SGCD: variants seen among roughly 807,000 people sequenced by gnomAD.
SGCD encodes sarcoglycan delta, also known as delta-sarcoglycan.
In SGCD, 18 loss-of-function variants were observed where a neutral mutation model predicts 36.6. The ratio of observed to expected loss-of-function variants is 0.49; its 90% CI spans 0.34 to 0.73. The LOEUF (loss-of-function observed/expected upper bound fraction) is 0.73, where lower values mean the gene tolerates loss of function less well. Among genes scored for constraint, SGCD ranks in the 30% least tolerant of loss-of-function variants. SGCD has a pLI of 0.01. For synonymous variants in SGCD, 133 were observed against 130.6 expected, an observed-to-expected ratio of 1.02 and a Z score of -0.12; for missense variants, 387 against 346.7, an observed-to-expected ratio of 1.12 and a Z score of -0.92.
At chr5:156,479,547 G>C (rs2127836863) in intron 3 of SGCD, among the ~76,000 whole-genome samples, 1 of 152,260 alleles carries the variant, frequency 6.6e-6, no homozygotes, top group South Asian at 2.1e-4. Flanking sequence ...TGGGACCCCT[G>C]TCTTAGACTT....
At chr5:156,082,028 C>T (rs1258898178) in intron 1 of SGCD, among the ~76,000 whole-genome samples, 1 of 151,976 alleles carries the variant, frequency 6.6e-6, no homozygotes, top group Non-Finnish European at 1.5e-5. Flanking sequence ...GTCTGTTGGG[C>T]TTGTAGAGCA....
At chr5:155,999,749 G>T (rs1436433809) in intron 1 of SGCD, among the ~76,000 whole-genome samples, 3 of 152,154 alleles carry the variant, frequency 2.0e-5, no homozygotes, top group Admixed American at 1.3e-4. Context: ...AAAGACAGAT[G>T]GGTAAATGTC....
chr5:155,931,175 T>C (rs913778019), intron 1 of SGCD, among the ~76,000 whole-genome samples: 4 of 151,926 alleles, frequency 2.6e-5, no homozygotes, highest in Non-Finnish European at 5.9e-5. Context: ...AAAGAAAAGC[T>C]CTTCTCATTA....
At chr5:155,994,989 C>T (rs1045064847) in intron 1 of SGCD, among the ~76,000 whole-genome samples, 2 of 152,176 alleles carry the variant, frequency 1.3e-5, no homozygotes, top group African/African-American at 2.4e-5. Flanking sequence ...TGAGCTCAGT[C>T]GTCTGTCCGT....
intron 4 of SGCD, among the ~76,000 whole-genome samples, chr5:156,570,215 G>A (rs1759662351): frequency 6.6e-6 from 1 of 152,034 alleles, no homozygotes; most frequent in South Asian, 2.1e-4. Context: ...ATTCTGTGTG[G>A]CACTGTTGTT....
At chr5:156,253,134 C>T (rs965101009) in intron 3 of SGCD, among the ~76,000 whole-genome samples, 1 of 152,132 alleles carries the variant, frequency 6.6e-6, no homozygotes, top group African/African-American at 2.4e-5. Flanking sequence ...TCTCACGGAA[C>T]TAATGTCAGA....
At chr5:155,823,377 T>G in the SGCD span, among the ~76,000 whole-genome samples, 4 of 151,576 alleles carry the variant, frequency 2.6e-5, no homozygotes, top group African/African-American at 9.7e-5. Context: ...ATTCAGACTC[T>G]GAGTGGATTG....
the SGCD span, among the ~76,000 whole-genome samples, chr5:155,821,075 T>C: frequency 1.8e-3 from 274 of 152,220 alleles, 1 homozygote; most frequent in African/African-American, 6.4e-3. Context: ...GTGATAGTCA[T>C]AGAAGCACCA....
rs1161688738 is a variant in SGCD at position 156,216,489 on chromosome 5, GGTTT to G, written c.-44+92475_-44+92478del. 9.2e-5 allele frequency among the ~76,000 whole-genome samples: 14 copies of G among 152,170 alleles called. No homozygotes were observed. The South Asian group carries it at 1.0e-3, about 11-fold the overall frequency. ...ATTTCCAAGTTTGAAATAATAAATT[GGTTT>G]GTTTATGTAAGCATCTGTGTAAAGC... is the stretch of plus-strand genomic sequence containing the variant. On this transcript the variant is annotated intron_variant, in intron 3 of 9. Coordinates refer to the SGCD transcript ENST00000517913.
chr5:155,731,928 C>T, the SGCD span, among the ~76,000 whole-genome samples: 10 of 152,140 alleles, frequency 6.6e-5, no homozygotes, highest in East Asian at 1.9e-4. Flanking sequence ...TGGATTTCTT[C>T]GTAAGAGATA....
At chr5:156,711,342 C>T (rs994966465) in intron 7 of SGCD, among the ~76,000 whole-genome samples, 1 of 152,172 alleles carries the variant, frequency 6.6e-6, no homozygotes, top group African/African-American at 2.4e-5. Flanking sequence ...CACATGGCCA[C>T]CATTGATGTA....
chr5:156,176,266 T>G (rs1282742152), intron 3 of SGCD, among the ~76,000 whole-genome samples: 1 of 152,126 alleles, frequency 6.6e-6, no homozygotes, highest in African/African-American at 2.4e-5. Flanking sequence ...ACTGTCTAGT[T>G]TTTATATTTT....
chr5:156,381,570 A>G lies in SGCD; in HGVS notation c.192+36893A>G, dbSNP rs1770977731. On this transcript the variant is annotated intron_variant, in intron 3 of 8. Coordinates refer to ENST00000337851, the MANE Select transcript of SGCD (RefSeq NM_000337.6). ...TTCTACTAGGTAAATGTCCTCATGT[A>G]AACATACATGTGCATATTTATAAAA... Among the ~76,000 whole-genome samples the G allele has an allele frequency of 2.3e-5, 3 of 130,610 alleles. No homozygotes were observed. In the South Asian group the frequency reaches 8.7e-4, roughly 38 times the overall value. 85.7% of individuals were successfully genotyped at this position (130,610 alleles called of 152,430 possible).
At chr5:155,811,107 G>C in the SGCD span, among the ~76,000 whole-genome samples, 44 of 151,990 alleles carry the variant, frequency 2.9e-4, no homozygotes, top group African/African-American at 8.9e-4. Context: ...GTGAGCCACC[G>C]CGCCCGGCCT....
intron 3 of SGCD, among the ~76,000 whole-genome samples, chr5:156,285,296 C>CT (rs1766563939): frequency 6.6e-6 from 1 of 152,216 alleles, no homozygotes; most frequent in Non-Finnish European, 1.5e-5. Context: ...CTACCAATGA[C>CT]TTTTTTCACA....
chr5:156,328,292 A>G (rs1767906137), intron 1 of SGCD, among the ~76,000 whole-genome samples: 1 of 152,232 alleles, frequency 6.6e-6, no homozygotes, highest in African/African-American at 2.4e-5. Flanking sequence ...GCTAAACCTT[A>G]CAACTGCTTT....
rs1757963504 is a variant in SGCD, at chr5:156,533,275, C to T, written c.294+24573C>T. Among the ~76,000 whole-genome samples the T allele has an allele frequency of 2.0e-5, 3 of 152,252 alleles. No individual in the cohort carries two copies. In the East Asian group the frequency reaches 5.8e-4, roughly 29 times the overall value. Reference sequence around the variant, plus strand: ...TTTTCTCCACTCAAACTGCAGATCTCCTAAATTGTACCATCTCCTACTATC... The same window carrying T: ...TTTTCTCCACTCAAACTGCAGATCTTCTAAATTGTACCATCTCCTACTATC... On this transcript the variant is annotated intron_variant, in intron 4 of 8. Coordinates refer to ENST00000337851, the MANE Select transcript of SGCD (RefSeq NM_000337.6).
At chr5:156,209,879 C>A (rs752477666) in intron 3 of SGCD, among the ~76,000 whole-genome samples, 3 of 152,182 alleles carry the variant, frequency 2.0e-5, no homozygotes. Context: ...AAGACCCAGA[C>A]CTGCCCCCAC....
intron 1 of SGCD, among the ~76,000 whole-genome samples, chr5:155,930,711 T>C (rs1170144765): frequency 6.6e-6 from 1 of 152,218 alleles, no homozygotes; most frequent in African/African-American, 2.4e-5. Context: ...TCTTCTCAAA[T>C]GTCATTACTT....
Sources: allele counts gnomAD v4.1 joint callset (sites outside exome capture counted in the v4.1 genomes callset), GRCh38; gene constraint gnomAD v4.1.1; transcripts MANE v1.5; gene names NCBI Gene and HGNC (gene_info 2026-07-23, HGNC 2026-07-21).